Variants in ALPK1 observed in about 807,000 individuals in gnomAD.
The protein encoded by ALPK1 is alpha kinase 1.
ALPK1 carries 110 observed loss-of-function variants against 120.6 expected under a neutral mutation model. The ratio of observed to expected loss-of-function variants is 0.91; its 90% CI spans 0.78 to 1.07. ALPK1 has a LOEUF of 1.07. ALPK1 is among the 50% of genes least tolerant of loss of function. The pLI, the probability that ALPK1 is intolerant of heterozygous loss-of-function variation, is 0.00. For missense variants in ALPK1, 1,498 were observed against 1,483.9 expected (o/e 1.01, Z -0.16); for synonymous variants, 582 against 560.3 (o/e 1.04, Z -0.55).
At chr4:112,358,705 G>A in intron 2 of ALPK1, 1 of 760,670 alleles carries the variant, frequency 1.3e-6, no homozygotes, top group Non-Finnish European at 2.4e-6. Context: ...GAGCCGCAAG[G>A]AAGGAGGAAG....
chr4:112,427,405 TTTTAAAAATTGATTTTTAAAAATAGTATC>T (rs949111409), intron 8 of ALPK1, among the ~76,000 whole-genome samples, 136 bp from the exon 9 acceptor site: 1 of 34,020 alleles, frequency 2.9e-5, no homozygotes, highest in African/African-American at 1.6e-4. Flanking sequence ...AAAATAGTAT[TTTTAAAAATTGATTTTTAAAAATAGTATC>T]TCCAATGTCA....
At chr4:112,357,669 C>T in intron 2 of ALPK1, 1 of 1,604,372 alleles carries the variant, frequency 6.2e-7, no homozygotes. Context: ...GGATCATCCC[C>T]AGAGGCCCCG....
intron 4 of ALPK1, among the ~76,000 whole-genome samples, chr4:112,402,315 A>C (rs182889675): frequency 2.0e-5 from 3 of 152,206 alleles, no homozygotes; most frequent in African/African-American, 7.2e-5. Flanking sequence ...CTGTGAACAC[A>C]TCACAGCTTT....
intron 4 of ALPK1, among the ~76,000 whole-genome samples, chr4:112,408,431 T>C (rs1295378398): frequency 1.3e-5 from 2 of 152,176 alleles, no homozygotes; most frequent in Non-Finnish European, 2.9e-5. Flanking sequence ...ATCAGTTTGC[T>C]TTTCCATCTT....
intron 5 of ALPK1, among the ~76,000 whole-genome samples, chr4:112,420,329 C>T (rs1733933112): frequency 6.6e-6 from 1 of 152,172 alleles, no homozygotes; most frequent in Admixed American, 6.5e-5. Context: ...AAGTTAGTGG[C>T]CTAAAACAAT....
intron 2 of ALPK1, among the ~76,000 whole-genome samples, chr4:112,331,451 A>G (rs557928957): frequency 7.2e-5 from 11 of 151,922 alleles, no homozygotes; most frequent in African/African-American, 2.2e-4. Context: ...ATCTAACCCA[A>G]CCTTTCAGCT....
chr4:112,427,557 G>A lies in ALPK1; in HGVS notation c.700-13G>A, dbSNP rs776059783. ...AATTCCCGATCTGTGACTTCTTTGT[G>A]TTTTTCTTACAGGGCCTCTCCACGT... On this transcript the variant is annotated splice_polypyrimidine_tract_variant and intron_variant, in intron 8 of 15. Coordinates refer to ENST00000650871, the MANE Select transcript of ALPK1 (RefSeq NM_025144.4). 1.2e-6 allele frequency: 2 copies of A among 1,607,810 alleles called. No individual in the cohort carries two copies. The highest frequency in any genetic ancestry group is 2.2e-5 in the East Asian group (1 of 44,846).
intron 2 of ALPK1, chr4:112,358,097 T>C (rs1730729163): frequency 3.4e-6 from 2 of 584,966 alleles, no homozygotes; most frequent in African/African-American, 1.8e-5. Context: ...GTCCTTAAGA[T>C]GCGAGATGAA....
At chr4:112,322,565 A>G (rs1204940147) in intron 2 of ALPK1, among the ~76,000 whole-genome samples, 3 of 152,240 alleles carry the variant, frequency 2.0e-5, no homozygotes, top group African/African-American at 4.8e-5. Context: ...CTGAGGTTAT[A>G]GAAGGGAACA....
chr4:112,320,896 TC>T (rs1728838521), intron 2 of ALPK1, among the ~76,000 whole-genome samples: 3 of 124,882 alleles, frequency 2.4e-5, no homozygotes, highest in Admixed American at 9.0e-5. Flanking sequence ...CCCATTTCTT[TC>T]TTTTTTTTTT....
chr4:112,343,581 G>A (rs530023624), intron 2 of ALPK1: 1 of 152,212 alleles, frequency 6.6e-6, no homozygotes, highest in Non-Finnish European at 1.5e-5. Context: ...TATTATCCTC[G>A]CTGTGGTATA....
At chr4:112,324,378 A>G (rs914840547) in intron 2 of ALPK1, among the ~76,000 whole-genome samples, 3 of 151,662 alleles carry the variant, frequency 2.0e-5, no homozygotes, top group Non-Finnish European at 4.4e-5. Context: ...AGTGAGAGAC[A>G]TGACCTCATT....
intron 2 of ALPK1, among the ~76,000 whole-genome samples, chr4:112,362,117 C>T (rs1161017460): frequency 6.6e-6 from 1 of 152,230 alleles, no homozygotes; most frequent in African/African-American, 2.4e-5. Flanking sequence ...CTCCCTCTGA[C>T]ATAGTCTAAC....
intron 1 of ALPK1, among the ~76,000 whole-genome samples, chr4:112,312,145 A>C (rs568130430): frequency 4.6e-5 from 7 of 152,292 alleles, no homozygotes; most frequent in African/African-American, 1.7e-4. Flanking sequence ...AAAATTGTAA[A>C]ATATTCATAG....
intron 5 of ALPK1, among the ~76,000 whole-genome samples, chr4:112,412,962 G>C (rs536441245): frequency 1.3e-5 from 2 of 152,346 alleles, no homozygotes; most frequent in South Asian, 4.1e-4. Flanking sequence ...AAATGGGCTA[G>C]TGGAGGTTAC....
chr4:112,397,608 T>G (rs1732707351), intron 4 of ALPK1, among the ~76,000 whole-genome samples: 1 of 152,158 alleles, frequency 6.6e-6, no homozygotes, highest in South Asian at 2.1e-4. Flanking sequence ...AGCTCTCCTA[T>G]TATATTGCTT....
intron 1 of ALPK1, among the ~76,000 whole-genome samples, chr4:112,306,534 CAT>C (rs945012078): frequency 8.9e-4 from 135 of 152,178 alleles, no homozygotes; most frequent in African/African-American, 3.2e-3. Flanking sequence ...AGTTTATTTG[CAT>C]AGAGGTGTTT....
intron 1 of ALPK1, among the ~76,000 whole-genome samples, chr4:112,314,923 C>T (rs574335387): frequency 1.8e-3 from 262 of 145,920 alleles, no homozygotes; most frequent in Non-Finnish European, 2.7e-3. Flanking sequence ...CTCTGTTGCC[C>T]AGGCTGGAGT....
intron 4 of ALPK1, among the ~76,000 whole-genome samples, chr4:112,409,836 A>C (rs1249287247): frequency 3.3e-5 from 5 of 152,188 alleles, no homozygotes; most frequent in Non-Finnish European, 5.9e-5. Context: ...CATCGAGAGG[A>C]GAGAAGAGAT....
Sources: allele counts gnomAD v4.1 joint callset (sites outside exome capture counted in the v4.1 genomes callset), GRCh38; gene constraint gnomAD v4.1.1; transcripts MANE v1.5; gene names NCBI Gene and HGNC (gene_info 2026-07-23, HGNC 2026-07-21).